RGS7: variants seen among roughly 807,000 people sequenced by gnomAD.
RGS7 encodes the protein regulator of G-protein signaling 7.
Under a neutral mutation model 81.1 loss-of-function variants are expected in RGS7, and 27 were observed. The observed-to-expected ratio is 0.33, with a 90% CI of 0.25 to 0.46. The LOEUF is 0.46. Ranked by LOEUF, RGS7 falls within the 20% of genes least tolerant of loss-of-function variation. RGS7 has a pLI of 1.00. For synonymous variants in RGS7, 208 were observed against 207.7 expected (o/e 1.00, Z -0.01); for missense variants, 396 against 607.4 (o/e 0.65, Z 3.66).
At chr1:241,249,300 G>A (rs1363046263) in intron 2 of RGS7, among the ~76,000 whole-genome samples, 2 of 149,902 alleles carry the variant, frequency 1.3e-5, no homozygotes, top group East Asian at 4.1e-4. Flanking sequence ...TATGGTAAAG[G>A]TCAAGATTTT....
At chr1:240,798,133 C>T (rs1341957661) in intron 18 of RGS7, among the ~76,000 whole-genome samples, 1 of 152,170 alleles carries the variant, frequency 6.6e-6, no homozygotes, top group Non-Finnish European at 1.5e-5. Context: ...ACCTGCCTGA[C>T]TACCTCCCAG....
intron 6 of RGS7, among the ~76,000 whole-genome samples, chr1:240,885,976 AT>A: frequency 6.6e-6 from 1 of 152,182 alleles, no homozygotes; most frequent in Non-Finnish European, 1.5e-5. Context: ...TCCTAACTTC[AT>A]TCTTTCATAG....
At chr1:240,900,044 A>G (rs1208915928) in intron 6 of RGS7, among the ~76,000 whole-genome samples, 1 of 152,078 alleles carries the variant, frequency 6.6e-6, no homozygotes, top group Non-Finnish European at 1.5e-5. Context: ...TTGATCTTCA[A>G]TCACTGATAC....
intron 18 of RGS7, among the ~76,000 whole-genome samples, chr1:240,790,608 G>T (rs1428720915): frequency 6.6e-6 from 1 of 152,324 alleles, no homozygotes; most frequent in African/African-American, 2.4e-5. Context: ...AGGATTAATA[G>T]CTGGAAGTTA....
intron 2 of RGS7, among the ~76,000 whole-genome samples, chr1:241,324,603 A>G (rs867841878): frequency 6.6e-6 from 1 of 152,160 alleles, no homozygotes; most frequent in Non-Finnish European, 1.5e-5. Flanking sequence ...GGAACACACC[A>G]CTGTCTGCTG....
At chr1:241,052,040 T>A (rs2061278580) in intron 3 of RGS7, among the ~76,000 whole-genome samples, 1 of 152,152 alleles carries the variant, frequency 6.6e-6, no homozygotes, top group Admixed American at 6.5e-5. Flanking sequence ...TCCCCAGAGA[T>A]GTGAACACCT....
In RGS7 at chr1:240,933,329, G is replaced by A. The variant is rs573233680; in HGVS notation, c.334-2561C>T. Among the ~76,000 whole-genome samples, 5 of 151,962 alleles carry A rather than the reference G, an allele frequency of 3.3e-5. No homozygotes were observed. The East Asian group carries it at 9.6e-4, about 29-fold the overall frequency. Reference sequence around the variant, plus strand: ...TAAAATACCTATTCTACTCAGACAAGACATATACTTTTTTCCCACAAAAGC... The same window carrying A: ...TAAAATACCTATTCTACTCAGACAAAACATATACTTTTTTCCCACAAAAGC... On this transcript the variant is annotated intron_variant, in intron 5 of 18. Coordinates refer to ENST00000440928, the MANE Select transcript of RGS7 (RefSeq NM_001364886.1).
chr1:241,160,147 AAGAAAT>A (rs1407120429), intron 2 of RGS7, among the ~76,000 whole-genome samples: 5 of 151,868 alleles, frequency 3.3e-5, no homozygotes, highest in Admixed American at 6.6e-5. Context: ...GAAAAAGAAA[AAGAAAT>A]AGGGTTTTCA....
intron 2 of RGS7, among the ~76,000 whole-genome samples, chr1:241,302,879 T>A (rs1264778496): frequency 6.6e-6 from 1 of 152,016 alleles, no homozygotes; most frequent in African/African-American, 2.4e-5. Context: ...TCTTTCTTTC[T>A]TTCTTTCTTT....
At chr1:240,886,089 A>G (rs1165128435) in intron 6 of RGS7, among the ~76,000 whole-genome samples, 1 of 152,210 alleles carries the variant, frequency 6.6e-6, no homozygotes, top group Admixed American at 6.5e-5. Flanking sequence ...TTTAACTGTT[A>G]TGATAATTAT....
At chr1:240,962,858 G>C (rs1307763801) in intron 4 of RGS7, among the ~76,000 whole-genome samples, 8 of 152,124 alleles carry the variant, frequency 5.3e-5, no homozygotes, top group Admixed American at 5.2e-4. Flanking sequence ...ACACAGCATG[G>C]GTTGAAAAGT....
chr1:240,880,893 G>C (rs12403763), intron 6 of RGS7, among the ~76,000 whole-genome samples: 30 of 151,988 alleles, frequency 2.0e-4, no homozygotes, highest in Admixed American at 1.9e-3. Flanking sequence ...TTTTCCTCTG[G>C]TTTTGCTTTC....
At chr1:241,297,987 A>T (rs927154133) in intron 2 of RGS7, among the ~76,000 whole-genome samples, 3 of 152,212 alleles carry the variant, frequency 2.0e-5, no homozygotes. Context: ...ACAGGTGTGC[A>T]TCATTCAAAT....
intron 6 of RGS7, among the ~76,000 whole-genome samples, chr1:240,871,352 C>G (rs1326182232): frequency 6.6e-6 from 1 of 152,112 alleles, no homozygotes; most frequent in African/African-American, 2.4e-5. Flanking sequence ...ATAACGACGT[C>G]CAGCTGGTAT....
At chr1:241,306,372 C>T (rs1329976333) in intron 2 of RGS7, among the ~76,000 whole-genome samples, 2 of 151,424 alleles carry the variant, frequency 1.3e-5, no homozygotes, top group Non-Finnish European at 2.9e-5. Context: ...TGTCCACACA[C>T]ACGCACACAC....
At chr1:241,091,290 T>C (rs941071734) in intron 3 of RGS7, among the ~76,000 whole-genome samples, 1 of 152,168 alleles carries the variant, frequency 6.6e-6, no homozygotes, top group African/African-American at 2.4e-5. Context: ...GGCTCACGCC[T>C]GTAATCTTAA....
At chr1:240,796,554 C>T (rs1411363612) in intron 18 of RGS7, among the ~76,000 whole-genome samples, 2 of 152,048 alleles carry the variant, frequency 1.3e-5, no homozygotes, top group East Asian at 3.9e-4. Context: ...GGAGTGTTGG[C>T]GGGTGCCTGT....
intron 6 of RGS7, among the ~76,000 whole-genome samples, chr1:240,926,576 T>TA (rs924040482): frequency 5.9e-5 from 9 of 152,306 alleles, no homozygotes; most frequent in African/African-American, 2.2e-4. Context: ...GAGGTACCAG[T>TA]AAAAACCCTG....
At chr1:240,937,637 G>T (rs1676869766) in intron 4 of RGS7, among the ~76,000 whole-genome samples, 1 of 152,146 alleles carries the variant, frequency 6.6e-6, no homozygotes, top group Non-Finnish European at 1.5e-5. Context: ...AGTTGCATTT[G>T]GCATTTATAG....
Sources: allele counts gnomAD v4.1 joint callset (sites outside exome capture counted in the v4.1 genomes callset), GRCh38; gene constraint gnomAD v4.1.1; transcripts MANE v1.5; gene names NCBI Gene and HGNC (gene_info 2026-07-23, HGNC 2026-07-21).